Variants in OSBPL10 observed in about 807,000 individuals in gnomAD.
OSBPL10 encodes oxysterol-binding protein-related protein 10.
OSBPL10 carries 49 observed loss-of-function variants against 81.7 expected under a neutral mutation model. The observed-to-expected ratio is 0.60, with a 90% confidence interval of 0.48 to 0.76. The LOEUF is 0.76. OSBPL10 is among the 30% of genes least tolerant of loss of function. OSBPL10 has a pLI of 0.00. For synonymous variants in OSBPL10, 419 were observed against 383.6 expected (o/e 1.09, Z -1.08); for missense variants, 923 against 987.8 (o/e 0.93, Z 0.88).
chr3:31,771,932 C>T lies in OSBPL10; in HGVS notation c.730-23812G>A, dbSNP rs201494515. Among the ~76,000 whole-genome samples, 6 of 152,158 alleles carry T rather than the reference C, an allele frequency of 3.9e-5. No homozygotes were observed. In the East Asian group the frequency reaches 1.2e-3, roughly 29 times the overall value. ...CAACCCTCAGTTTGGTCCGGGAACACTATGTCATTTTAGCCAGACATCATG... is the reference window on the plus strand; with the variant it reads ...CAACCCTCAGTTTGGTCCGGGAACATTATGTCATTTTAGCCAGACATCATG... On this transcript the variant is annotated intron_variant, in intron 4 of 11. Coordinates refer to ENST00000396556, the MANE Select transcript of OSBPL10 (RefSeq NM_017784.5).
intron 4 of OSBPL10, among the ~76,000 whole-genome samples, chr3:31,806,830 G>A (rs775459457): frequency 1.3e-5 from 2 of 152,062 alleles, no homozygotes; most frequent in East Asian, 1.9e-4. Context: ...TGCAGGGAAC[G>A]GTGAGTGCAA....
chr3:31,894,162 A>G (rs140245128), intron 1 of OSBPL10, among the ~76,000 whole-genome samples: 9 of 152,308 alleles, frequency 5.9e-5, no homozygotes, highest in Non-Finnish European at 1.3e-4. Context: ...ACTCCAAGAA[A>G]TGTCACTTAG....
chr3:31,889,053 TCAA>T (rs1364057673), intron 1 of OSBPL10, among the ~76,000 whole-genome samples: 1 of 152,120 alleles, frequency 6.6e-6, no homozygotes. Flanking sequence ...GAAAAAATGC[TCAA>T]CATCACTAAT....
intron 2 of OSBPL10, among the ~76,000 whole-genome samples, chr3:32,006,881 A>T (rs1232289258): frequency 6.6e-6 from 1 of 152,168 alleles, no homozygotes; most frequent in Non-Finnish European, 1.5e-5. Context: ...TATGAAAATG[A>T]ACCTATTCAT....
In OSBPL10 at chr3:31,913,228, GTTTT is replaced by G. The variant is rs531903509; in HGVS notation, c.282-33402_282-33399del. Among the ~76,000 whole-genome samples the G allele has an allele frequency of 5.7e-5, 8 of 140,130 alleles. No homozygotes were observed. The Admixed American group carries it at 5.8e-4, about 10-fold the overall frequency. 91.9% of individuals were successfully genotyped at this position (140,130 alleles called of 152,430 possible). On this transcript the variant is annotated intron_variant, in intron 1 of 11. Coordinates refer to ENST00000396556, the MANE Select transcript of OSBPL10 (RefSeq NM_017784.5). Reference sequence around the variant, plus strand: ...GTGTAAATGGACACAGAAGTACTAGGTTTTTTTTTTTATTTTGTTTTTTGTTTTT... The same window carrying G: ...GTGTAAATGGACACAGAAGTACTAGGTTTTTTTATTTTGTTTTTTGTTTTT...
intron 6 of OSBPL10, among the ~76,000 whole-genome samples, chr3:31,732,082 A>G (rs1212907051): frequency 5.3e-5 from 8 of 152,236 alleles, no homozygotes; most frequent in Non-Finnish European, 1.2e-4. Flanking sequence ...TAAAGATCTA[A>G]TAACTCACTT....
chr3:31,957,826 A>AG (rs1404649365), intron 1 of OSBPL10, among the ~76,000 whole-genome samples: 2 of 152,178 alleles, frequency 1.3e-5, no homozygotes, highest in East Asian at 1.9e-4. Context: ...TTTTTAGTAG[A>AG]GGGGGGGTTT....
chr3:31,950,669 G>C (rs1697841206), intron 1 of OSBPL10, among the ~76,000 whole-genome samples: 1 of 152,182 alleles, frequency 6.6e-6, no homozygotes, highest in African/African-American at 2.4e-5. Flanking sequence ...GAGCCTAAGG[G>C]GAGGCACTTG....
At chr3:32,041,063 G>T (rs1015407156) in intron 2 of OSBPL10, among the ~76,000 whole-genome samples, 3 of 152,174 alleles carry the variant, frequency 2.0e-5, no homozygotes, top group Admixed American at 6.5e-5. Flanking sequence ...ACAGGTTCAG[G>T]TATATCTGGG....
intron 6 of OSBPL10, chr3:31,704,280 C>T (rs774810912): frequency 1.3e-5 from 2 of 152,366 alleles, no homozygotes; most frequent in Non-Finnish European, 2.9e-5. Flanking sequence ...TCCCTGTGAG[C>T]TTCCATTTCC....
At chr3:31,794,934 G>A in intron 4 of OSBPL10, 2 of 357,182 alleles carry the variant, frequency 5.6e-6, no homozygotes, top group Non-Finnish European at 1.1e-5. Flanking sequence ...CCAGAGAAGT[G>A]TCATTTGTAA....
chr3:31,774,514 G>GT (rs372272781), intron 4 of OSBPL10, among the ~76,000 whole-genome samples: 1 of 99,872 alleles, frequency 1.0e-5, no homozygotes, highest in Non-Finnish European at 2.0e-5. Flanking sequence ...TTTTGTTTTT[G>GT]TTTTTGTTTT....
chr3:31,788,134 A>C (rs1698906778), intron 4 of OSBPL10, among the ~76,000 whole-genome samples: 1 of 152,200 alleles, frequency 6.6e-6, no homozygotes, highest in East Asian at 1.9e-4. Context: ...TAAATTTTAA[A>C]GCTGTCTAGA....
chr3:32,013,113 C>T (rs60652687), intron 2 of OSBPL10, among the ~76,000 whole-genome samples: 23,513 of 152,114 alleles, frequency 0.15, 2,597 homozygotes, highest in East Asian at 0.32. Context: ...ATCTACAGAA[C>T]TCTCCACCCC....
intron 3 of OSBPL10, among the ~76,000 whole-genome samples, chr3:31,867,196 A>C (rs1174586952): frequency 6.6e-6 from 1 of 152,154 alleles, no homozygotes; most frequent in Admixed American, 6.5e-5. Flanking sequence ...CAAGTGGAGG[A>C]GATGGGAAAC....
chr3:31,910,327 C>T (rs1423976591), intron 1 of OSBPL10, among the ~76,000 whole-genome samples: 1 of 151,938 alleles, frequency 6.6e-6, no homozygotes, highest in Non-Finnish European at 1.5e-5. Flanking sequence ...TAAAGGACAA[C>T]CTATTGGCAG....
intron 4 of OSBPL10, among the ~76,000 whole-genome samples, chr3:31,827,539 G>A (rs1700130837): frequency 6.6e-6 from 1 of 152,088 alleles, no homozygotes; most frequent in African/African-American, 2.4e-5. Context: ...AGGAGGCTGA[G>A]GCAGAAGAAT....
At chr3:31,670,694 A>T in intron 9 of OSBPL10, 103 bp downstream of exon 9, 1 of 1,298,422 alleles carries the variant, frequency 7.7e-7, no homozygotes, top group Non-Finnish European at 1.1e-6. Context: ...GTTTATCTTG[A>T]TTTTCAACTC....
chr3:31,729,199 G>C (rs1315185009), intron 6 of OSBPL10, among the ~76,000 whole-genome samples: 1 of 152,126 alleles, frequency 6.6e-6, no homozygotes, highest in East Asian at 1.9e-4. Context: ...TCCTCTAGAA[G>C]GTGAGTGTAC....
Sources: allele counts gnomAD v4.1 joint callset (sites outside exome capture counted in the v4.1 genomes callset), GRCh38; gene constraint gnomAD v4.1.1; transcripts MANE v1.5; gene names NCBI Gene and HGNC (gene_info 2026-07-23, HGNC 2026-07-21).